The following ZNF565 variants were observed in gnomAD, a reference collection of about 807,000 sequenced individuals.
The protein encoded by ZNF565 is zinc finger protein 565.
A neutral mutation model predicts 39.4 loss-of-function variants in ZNF565; 27 were observed. That is an observed-to-expected ratio of 0.69 (90% confidence interval 0.51 to 0.95). The LOEUF is 0.95. Ranked by LOEUF, ZNF565 falls within the 40% of genes least tolerant of loss-of-function variation. The probability of loss-of-function intolerance (pLI) is 0.00; values close to 1 mark genes in which losing one functional copy is unlikely to be tolerated. For synonymous variants in ZNF565, 185 were observed against 216.6 expected, an observed-to-expected ratio of 0.85 and a Z score of 1.28; for missense variants, 524 against 621.1, an observed-to-expected ratio of 0.84 and a Z score of 1.66.
At chr19:36,233,436 A>G (rs2972543) in intron 1 of ZNF565, among the ~76,000 whole-genome samples, 96,331 of 151,930 alleles carry the variant, frequency 0.63, 30,737 homozygotes, top group Middle Eastern at 0.71. Context: ...GAGACACAGA[A>G]ACAAAGTATA....
At chr19:36,239,730 C>T (rs922286851) in intron 1 of ZNF565, among the ~76,000 whole-genome samples, 4 of 152,164 alleles carry the variant, frequency 2.6e-5, no homozygotes, top group African/African-American at 4.8e-5. Flanking sequence ...CTCTGTCACT[C>T]CTCCCACTGC....
intron 4 of ZNF565, 82 bp from the exon 5 acceptor site, chr19:36,183,815 G>A (rs1294760728): frequency 1.6e-5 from 20 of 1,279,434 alleles, no homozygotes; most frequent in South Asian, 5.9e-5. Flanking sequence ...GGCCAGGCAC[G>A]GTGGCTCACA....
upstream of ZNF565, chr19:36,215,079 A>G (rs1290192406): frequency 6.6e-6 from 1 of 152,284 alleles, no homozygotes; most frequent in Non-Finnish European, 1.5e-5. Context: ...CGTCGCGGAG[A>G]CTTCTGGGAG....
chr19:36,209,932 A>G (rs1005524116), intron 1 of ZNF565, among the ~76,000 whole-genome samples: 2 of 151,844 alleles, frequency 1.3e-5, no homozygotes, highest in Non-Finnish European at 2.9e-5. Flanking sequence ...GGTTAATGTG[A>G]GCCACATTTT....
Position 36,245,540 on chromosome 19 carries a change from G to C in ZNF565, c.-10C>G. On this transcript the variant is annotated 5_prime_UTR_variant, in exon 1 of 5. Coordinates refer to the ZNF565 transcript ENST00000355114. The surrounding 1 kb of genome is among the most constrained non-coding windows in gnomAD (Gnocchi z 4.4). ...AGGGTCCACGGCGCATTTAGGTGGT[G>C]GCTTGCTCTGGACTACATTTCCCAG... 1.4e-6 allele frequency: 1 copy of C among 702,308 alleles called. No individual in the cohort carries two copies. Among genetic ancestry groups the C allele is most frequent in the South Asian group, 1.5e-5 (1 of 67,592 alleles). The allele number at this position is 702,308 out of a possible 1,614,324, so 43.5% of individuals were successfully genotyped here.
intron 1 of ZNF565, among the ~76,000 whole-genome samples, chr19:36,242,108 A>T (rs1433256773): frequency 2.6e-5 from 4 of 152,184 alleles, no homozygotes; most frequent in African/African-American, 4.8e-5. Flanking sequence ...ATGGGAGAAA[A>T]TATTTAGAAA....
intron 2 of ZNF565, among the ~76,000 whole-genome samples, chr19:36,195,957 G>A (rs866655214): frequency 7.7e-5 from 11 of 142,700 alleles, no homozygotes; most frequent in African/African-American, 2.1e-4. Flanking sequence ...TTTTTTTTGA[G>A]ACAGAGTCTC....
intron 4 of ZNF565, among the ~76,000 whole-genome samples, chr19:36,191,862 G>A (rs1370871418): frequency 2.0e-5 from 3 of 152,114 alleles, no homozygotes; most frequent in African/African-American, 4.8e-5. Context: ...TGCCAAAATC[G>A]GAGTGGGAGG....
chr19:36,188,635 C>G (rs1975405414), intron 4 of ZNF565, among the ~76,000 whole-genome samples: 1 of 149,372 alleles, frequency 6.7e-6, no homozygotes, highest in African/African-American at 2.5e-5. Flanking sequence ...TCTCTTGCAT[C>G]TGGGAGGTGG....
intron 1 of ZNF565, among the ~76,000 whole-genome samples, chr19:36,220,194 C>G (rs1976773413): frequency 1.3e-5 from 2 of 152,040 alleles, no homozygotes; most frequent in Admixed American, 1.3e-4. Flanking sequence ...AGGGTGTGCT[C>G]ATTGCCCAGG....
intron 1 of ZNF565, among the ~76,000 whole-genome samples, chr19:36,212,407 T>C (rs955321712): frequency 6.6e-6 from 1 of 151,700 alleles, no homozygotes; most frequent in Non-Finnish European, 1.5e-5. Context: ...AGGCCAGGAG[T>C]TCGAGACCAG....
chr19:36,206,455 T>C (rs988042344), intron 1 of ZNF565, among the ~76,000 whole-genome samples: 2 of 147,824 alleles, frequency 1.4e-5, no homozygotes, highest in African/African-American at 5.1e-5. Context: ...ACAAAAAATT[T>C]GAAGAAAAAA....
intron 1 of ZNF565, among the ~76,000 whole-genome samples, chr19:36,223,584 C>T (rs1218935084): frequency 6.6e-6 from 1 of 151,898 alleles, no homozygotes; most frequent in Non-Finnish European, 1.5e-5. Context: ...AGGATGGTCT[C>T]GATCTCCTGA....
At chr19:36,202,454 A>T (rs769729681) in intron 1 of ZNF565, among the ~76,000 whole-genome samples, 1 of 152,156 alleles carries the variant, frequency 6.6e-6, no homozygotes, top group Non-Finnish European at 1.5e-5. Flanking sequence ...CCTAAAAAGT[A>T]AGGAACCCAA....
At chr19:36,234,683 C>T (rs938057850) in intron 1 of ZNF565, among the ~76,000 whole-genome samples, 5 of 152,210 alleles carry the variant, frequency 3.3e-5, no homozygotes, top group African/African-American at 1.2e-4. Context: ...AGGCGTGAGC[C>T]ACTGCGCCCG....
chr19:36,228,192 C>G (rs1233013075), intron 1 of ZNF565, among the ~76,000 whole-genome samples: 11 of 150,802 alleles, frequency 7.3e-5, no homozygotes, highest in Admixed American at 6.6e-4. Flanking sequence ...GAATTTCACT[C>G]TCAGTATAAT....
chr19:36,233,745 T>G (rs1977504452), intron 1 of ZNF565, among the ~76,000 whole-genome samples: 1 of 152,212 alleles, frequency 6.6e-6, no homozygotes, highest in South Asian at 2.1e-4. Flanking sequence ...ATGTCCCACC[T>G]CCAGCCCTAA....
At chr19:36,232,479 A>C (rs191258178) in intron 1 of ZNF565, among the ~76,000 whole-genome samples, 2 of 152,298 alleles carry the variant, frequency 1.3e-5, no homozygotes, top group Non-Finnish European at 2.9e-5. Flanking sequence ...TATAGTCTGC[A>C]TTATAATCCG....
chr19:36,229,895 T>C (rs904218591), intron 1 of ZNF565, among the ~76,000 whole-genome samples: 1 of 152,170 alleles, frequency 6.6e-6, no homozygotes, highest in Non-Finnish European at 1.5e-5. Flanking sequence ...AATTTTTGTA[T>C]TTTTCATAGA....
Sources: gnomAD v4.1 joint callset for allele counts (sites outside exome capture counted in the v4.1 genomes callset) on GRCh38, gnomAD v4.1.1 for gene constraint, Gnocchi (gnomAD v3.1) non-coding constraint, MANE v1.5 for transcripts, NCBI Gene and HGNC (gene_info 2026-07-23, HGNC 2026-07-21) for gene names.